The following RBFOX1 variants were observed in gnomAD, a reference collection of about 807,000 sequenced individuals.
RBFOX1 encodes the protein RNA binding fox-1 homolog 1.
A neutral mutation model predicts 57.7 loss-of-function variants in RBFOX1; 8 were observed. That is an observed-to-expected ratio of 0.14 (90% CI 0.08 to 0.25). RBFOX1 has a LOEUF of 0.25. RBFOX1 is among the 10% of genes least tolerant of loss of function. The pLI is 1.00. For missense variants in RBFOX1, 611 were observed against 548.5 expected (o/e 1.11, Z -1.14); for synonymous variants, 326 against 222.4 (o/e 1.47, Z -4.15).
At chr16:6,937,009 G>T (rs1004928771) in intron 3 of RBFOX1, among the ~76,000 whole-genome samples, 1 of 151,062 alleles carries the variant, frequency 6.6e-6, no homozygotes, top group Non-Finnish European at 1.5e-5. Flanking sequence ...GAGTTAGTGG[G>T]GGTAGCACAC....
intron 5 of RBFOX1, among the ~76,000 whole-genome samples, chr16:7,543,776 A>G (rs956731675): frequency 1.4e-4 from 21 of 151,276 alleles, no homozygotes; most frequent in Non-Finnish European, 2.5e-4. Flanking sequence ...GCTGGAGTGC[A>G]GTGGCACGAT....
chr16:6,820,915 C>T (rs1418026300), intron 3 of RBFOX1, among the ~76,000 whole-genome samples: 1 of 152,170 alleles, frequency 6.6e-6, no homozygotes, highest in African/African-American at 2.4e-5. Context: ...TTGGACCATA[C>T]ATTTCATGCA....
chr16:5,937,681 T>C (rs2059194872), intron 4 of RBFOX1, among the ~76,000 whole-genome samples: 2 of 149,798 alleles, frequency 1.3e-5, no homozygotes, highest in Non-Finnish European at 3.0e-5. Flanking sequence ...TATATAGTTA[T>C]ATGGTTACAT....
At chr16:6,839,250 G>T (rs1285544794) in intron 3 of RBFOX1, among the ~76,000 whole-genome samples, 6 of 152,104 alleles carry the variant, frequency 3.9e-5, no homozygotes, top group Non-Finnish European at 8.8e-5. Context: ...CCCCCAAAGT[G>T]CTGGGATTAC....
At chr16:7,145,011 T>A (rs2074644038) in intron 4 of RBFOX1, among the ~76,000 whole-genome samples, 1 of 152,100 alleles carries the variant, frequency 6.6e-6, no homozygotes. Context: ...TGACGTTGTT[T>A]TTTAAAAAGG....
chr16:5,417,954 G>A (rs865798662), intron 1 of RBFOX1, among the ~76,000 whole-genome samples: 2 of 152,074 alleles, frequency 1.3e-5, no homozygotes, highest in African/African-American at 4.8e-5. Flanking sequence ...TGTGGTGTAC[G>A]CCTGTAATCC....
intron 1 of RBFOX1, among the ~76,000 whole-genome samples, chr16:6,240,700 T>C (rs1024574315): frequency 1.3e-5 from 2 of 151,916 alleles, no homozygotes; most frequent in Non-Finnish European, 2.9e-5. Flanking sequence ...AAAAATGCCA[T>C]TGCTGTAGGG....
chr16:6,597,176 C>T (rs941706244), intron 2 of RBFOX1, among the ~76,000 whole-genome samples: 9 of 152,142 alleles, frequency 5.9e-5, no homozygotes, highest in Admixed American at 2.0e-4. Context: ...TTATAAATTA[C>T]TAAGGACGAT....
At chr16:7,055,341 T>C (rs1435601963) in intron 4 of RBFOX1, among the ~76,000 whole-genome samples, 1 of 152,152 alleles carries the variant, frequency 6.6e-6, no homozygotes, top group Non-Finnish European at 1.5e-5. Context: ...CTAAGAGTTA[T>C]GGAAAAGCTA....
intron 2 of RBFOX1, among the ~76,000 whole-genome samples, chr16:6,564,598 A>G (rs1312730925): frequency 6.6e-6 from 1 of 152,116 alleles, no homozygotes; most frequent in Non-Finnish European, 1.5e-5. Context: ...TAAAAAGCTG[A>G]ACTCTTGGAA....
chr16:5,632,540 A>G (rs2048546940), intron 3 of RBFOX1: 1 of 152,210 alleles, frequency 6.6e-6, no homozygotes, highest in Non-Finnish European at 1.5e-5. Context: ...TCTTGTAGGA[A>G]CAGTTGAATT....
rs896733150 is a variant in RBFOX1 at position 6,649,911 on chromosome 16, A to T, written c.-63-4692A>T. On this transcript the variant is annotated intron_variant, in intron 2 of 15. Transcript: ENST00000550418. ...CACACTTTCTTTTATCTACTTGTGGATTGGTGGGCCTTTGGGCTGGTTCCA... is the reference window on the plus strand; with the variant it reads ...CACACTTTCTTTTATCTACTTGTGGTTTGGTGGGCCTTTGGGCTGGTTCCA... Among the ~76,000 whole-genome samples the T allele has an allele frequency of 2.0e-5, 3 of 151,996 alleles. No homozygotes were observed. The South Asian group carries it at 6.2e-4, about 32-fold the overall frequency.
At chr16:7,439,907 C>T (rs1431684880) in intron 4 of RBFOX1, among the ~76,000 whole-genome samples, 1 of 150,796 alleles carries the variant, frequency 6.6e-6, no homozygotes, top group Non-Finnish European at 1.5e-5. Flanking sequence ...GCAGTCAAGG[C>T]TCCAGGTTTC....
Position 6,654,628 on chromosome 16 carries a change from G to C in RBFOX1, c.-38G>C, listed in dbSNP as rs2098632941. The C allele has an allele frequency of 8.6e-6, 13 of 1,509,246 alleles. No homozygotes were observed. Among genetic ancestry groups the C allele is most frequent in the African/African-American group, 1.4e-5 (1 of 71,224 alleles). 93.5% of individuals were successfully genotyped at this position (1,509,246 alleles called of 1,614,324 possible). A position where few individuals can be genotyped will look rare whatever the true frequency, so the allele number is the denominator to read the frequency against. On this transcript the variant is annotated 5_prime_UTR_variant, in exon 3 of 16. Coordinates refer to ENST00000550418, the MANE Select transcript of RBFOX1 (RefSeq NM_018723.4). ...GATATCAAAGCAGACTGCAATACCT[G>C]CGTGGAAATAGAAGACAGAAAGGTG... is the stretch of plus-strand genomic sequence containing the variant.
intron 3 of RBFOX1, among the ~76,000 whole-genome samples, chr16:5,622,798 C>T (rs2048237554): frequency 6.6e-6 from 1 of 152,208 alleles, no homozygotes; most frequent in Admixed American, 6.5e-5. Context: ...GGTTTTGCAT[C>T]TGTGGATTCA....
intron 3 of RBFOX1, among the ~76,000 whole-genome samples, chr16:6,972,065 A>G (rs909517215): frequency 6.6e-6 from 1 of 152,158 alleles, no homozygotes; most frequent in African/African-American, 2.4e-5. Flanking sequence ...TTCCTTAACA[A>G]AGAGATATAT....
At chr16:6,912,234 G>C (rs2071817269) in intron 3 of RBFOX1, among the ~76,000 whole-genome samples, 2 of 152,186 alleles carry the variant, frequency 1.3e-5, no homozygotes, top group South Asian at 4.1e-4. Context: ...TCTCAAACTT[G>C]AGGGTACGTC....
At chr16:5,447,482 A>T (rs1459422370) in intron 1 of RBFOX1, among the ~76,000 whole-genome samples, 1 of 150,602 alleles carries the variant, frequency 6.6e-6, no homozygotes. Flanking sequence ...CCTTCACTTC[A>T]CTGCAACTGA....
At chr16:7,087,755 C>A (rs1253436771) in intron 4 of RBFOX1, among the ~76,000 whole-genome samples, 1 of 152,162 alleles carries the variant, frequency 6.6e-6, no homozygotes. Context: ...AGATTTTCTA[C>A]CCACTGCTTT....
Sources: allele counts gnomAD v4.1 joint callset (sites outside exome capture counted in the v4.1 genomes callset), GRCh38; gene constraint gnomAD v4.1.1; transcripts MANE v1.5; gene names NCBI Gene and HGNC (gene_info 2026-07-23, HGNC 2026-07-21).